Variants in LUC7L observed in about 807,000 individuals in gnomAD.
LUC7L encodes LUC7 like.
In LUC7L, 29 loss-of-function variants were observed where a neutral mutation model predicts 51.1. That is an observed-to-expected ratio of 0.57 (90% CI 0.42 to 0.77). The LOEUF (loss-of-function observed/expected upper bound fraction) is 0.77, where lower values mean the gene tolerates loss of function less well. Ranked by LOEUF, LUC7L falls within the 30% of genes least tolerant of loss-of-function variation. LUC7L has a pLI of 0.00. For missense variants in LUC7L, 403 were observed against 511.9 expected, an observed-to-expected ratio of 0.79 and a Z score of 2.05; for synonymous variants, 181 against 180.7, an observed-to-expected ratio of 1.00 and a Z score of -0.01.
rs577587041 is a variant in LUC7L at position 200,416 on chromosome 16, G to GA, written c.511-1179dup. 2.9e-3 allele frequency among the ~76,000 whole-genome samples: 351 copies of GA among 119,118 alleles called. 1 individual carries two copies. The highest frequency in any genetic ancestry group is 7.0e-3 in the East Asian group (24 of 3,440). The allele number at this position is 119,118 out of a possible 152,430, so 78.1% of individuals were successfully genotyped here. ...GAAAGAGCGAGACTCCGTCTCAAAA[G>GA]AAAAAAAAAAAAAAAAAGCCAGATG... On this transcript the variant is annotated intron_variant, in intron 5 of 9. Coordinates refer to ENST00000293872, the MANE Select transcript of LUC7L (RefSeq NM_201412.3).
At chr16:199,494 A>C in intron 5 of LUC7L, among the ~76,000 whole-genome samples, 1 of 152,242 alleles carries the variant, frequency 6.6e-6, no homozygotes, top group East Asian at 1.9e-4. Context: ...AGACCAGGCC[A>C]GGCGCGGTGG....
chr16:190,067 C>CGGGACA lies in LUC7L; in HGVS notation c.869_874dup (p.Leu290_Ser291dup), dbSNP rs1223678046. ...CCGATGTCTATCTCGGGACCGGGACCGGGACAATTTCCGTCGCTCTCGGGA... is the reference window on the plus strand; with the variant it reads ...CCGATGTCTATCTCGGGACCGGGACCGGGACAGGGACAATTTCCGTCGCTCTCGGGA... On this transcript the variant is annotated inframe_insertion, in exon 9 of 10. Coordinates refer to ENST00000293872, the MANE Select transcript of LUC7L (RefSeq NM_201412.3). 1.9e-6 allele frequency: 3 copies of CGGGACA among 1,613,594 alleles called. No individual in the cohort carries two copies. The highest frequency in any genetic ancestry group is 2.2e-5 in the South Asian group (2 of 91,080).
intron 3 of LUC7L, among the ~76,000 whole-genome samples, chr16:217,637 G>A (rs2049841995): frequency 6.6e-6 from 1 of 150,608 alleles, no homozygotes; most frequent in African/African-American, 2.4e-5. Context: ...AAACCAGGAG[G>A]CAGAGGTTGC....
chr16:220,784 C>A, intron 2 of LUC7L, 37 bp from the exon 3 acceptor site: 1 of 1,392,138 alleles, frequency 7.2e-7, no homozygotes, highest in Non-Finnish European at 1.0e-6. Flanking sequence ...ACCTCAGTGC[C>A]TACCTACTGT....
chr16:198,180 G>A (rs1410559218), intron 6 of LUC7L, among the ~76,000 whole-genome samples: 1 of 148,288 alleles, frequency 6.7e-6, no homozygotes, highest in Admixed American at 6.9e-5. Context: ...TGTGGAGGCT[G>A]AGGCAGGAAA....
At chr16:201,460 G>C (rs1333690730) in intron 5 of LUC7L, among the ~76,000 whole-genome samples, 1 of 146,130 alleles carries the variant, frequency 6.8e-6, no homozygotes, top group Non-Finnish European at 1.5e-5. Flanking sequence ...TTTTTTTTGA[G>C]ACGGAGTCTC....
intron 8 of LUC7L, among the ~76,000 whole-genome samples, 158 bp from the exon 9 acceptor site, chr16:190,293 C>T (rs1210554279): frequency 6.6e-6 from 1 of 151,964 alleles, no homozygotes; most frequent in Non-Finnish European, 1.5e-5. Flanking sequence ...TCTCCAATGG[C>T]TAGGTCCTTC....
intron 6 of LUC7L, among the ~76,000 whole-genome samples, chr16:197,940 G>A (rs2049201667): frequency 6.6e-6 from 1 of 152,100 alleles, no homozygotes; most frequent in African/African-American, 2.4e-5. Context: ...GTGGAAATAC[G>A]TCCAACCTTC....
Position 201,829 on chromosome 16 carries a change from C to T in LUC7L, c.511-2591G>A, listed in dbSNP as rs560785787. On this transcript the variant is annotated intron_variant, in intron 5 of 9. Transcript: ENST00000293872. Reference sequence around the variant, plus strand: ...CACGATCTCTGTTCGCTGCAACCTCCGCCTTCTGGGTTCAAGCGATTCTCC... The same window carrying T: ...CACGATCTCTGTTCGCTGCAACCTCTGCCTTCTGGGTTCAAGCGATTCTCC... 1.1e-4 allele frequency among the ~76,000 whole-genome samples: 16 copies of T among 150,664 alleles called. No individual in the cohort carries two copies. In the South Asian group the frequency reaches 2.1e-3, roughly 20 times the overall value.
At position 228,762 on chromosome 16, in the gene LUC7L, G is replaced by A. The variant is rs536338484; in HGVS notation, c.61+517C>T. The A allele has an allele frequency of 8.6e-6, 11 of 1,275,690 alleles. No individual in the cohort carries two copies. In the African/African-American group the frequency reaches 1.7e-4, roughly 19 times the overall value. 79.0% of individuals were successfully genotyped at this position (1,275,690 alleles called of 1,614,324 possible). On this transcript the variant is annotated intron_variant, in intron 1 of 9. Transcript: ENST00000293872. ...CCTGTGTGCTGGGGGGAAGGGGGCA[G>A]CTGGAAAAGTACTTGGCAGAAACCC...
intron 4 of LUC7L, among the ~76,000 whole-genome samples, chr16:207,623 A>G (rs1270271502): frequency 6.6e-6 from 1 of 152,264 alleles, no homozygotes; most frequent in Non-Finnish European, 1.5e-5. Flanking sequence ...TGAGAATTCC[A>G]TGACACATGA....
intron 6 of LUC7L, 69 bp downstream of exon 6, chr16:198,993 T>C (rs774640214): frequency 1.1e-4 from 160 of 1,466,300 alleles, no homozygotes; most frequent in Middle Eastern, 3.7e-4. Flanking sequence ...ACATAAGGTT[T>C]TTAAAAATTA....
At chr16:223,722 T>C (rs1368198733) in intron 2 of LUC7L, among the ~76,000 whole-genome samples, 2 of 151,678 alleles carry the variant, frequency 1.3e-5, no homozygotes, top group East Asian at 3.9e-4. Context: ...CAGGCTGGAG[T>C]GCAGTGGCAC....
chr16:190,746 G>A, intron 7 of LUC7L, 176 bp from the exon 8 acceptor site: 1 of 609,086 alleles, frequency 1.6e-6, no homozygotes. Context: ...CAGGCGTGGT[G>A]GCGGGTGCCT....
intron 1 of LUC7L, 100 bp from the exon 2 acceptor site, chr16:227,436 T>C: frequency 3.3e-6 from 5 of 1,511,522 alleles, no homozygotes; most frequent in Non-Finnish European, 4.4e-6. Context: ...CAGACTATCA[T>C]TTCTGTGTTC....
intron 3 of LUC7L, among the ~76,000 whole-genome samples, chr16:218,581 T>C (rs1234394182): frequency 6.6e-6 from 1 of 151,396 alleles, no homozygotes; most frequent in Admixed American, 6.6e-5. Context: ...ATCAGCTGGG[T>C]GTGGTGGCGG....
At chr16:196,283 C>T (rs2049146727) in intron 6 of LUC7L, among the ~76,000 whole-genome samples, 1 of 151,912 alleles carries the variant, frequency 6.6e-6, no homozygotes, top group African/African-American at 2.4e-5. Context: ...TGGTGCACGC[C>T]TATAGTACCA....
At chr16:193,806 CTTTT>C (rs35000773) in intron 6 of LUC7L, among the ~76,000 whole-genome samples, 6 of 139,712 alleles carry the variant, frequency 4.3e-5, no homozygotes, top group Admixed American at 2.1e-4. Flanking sequence ...TTTACATTTA[CTTTT>C]TTTTTTTTTT....
At chr16:229,007 G>A (rs541511585) in intron 1 of LUC7L, 16 of 1,447,784 alleles carry the variant, frequency 1.1e-5, no homozygotes, top group Admixed American at 2.4e-5. Context: ...GCGCCCGCCG[G>A]GGAGGAAGTA....
Sources: gnomAD v4.1 joint callset for allele counts (sites outside exome capture counted in the v4.1 genomes callset) on GRCh38, gnomAD v4.1.1 for gene constraint, MANE v1.5 for transcripts, NCBI Gene and HGNC (gene_info 2026-07-23, HGNC 2026-07-21) for gene names.